ZMIZ1: variants seen among roughly 807,000 people sequenced by gnomAD.
The protein encoded by ZMIZ1 is zinc finger MIZ-type containing 1, also known as zinc finger MIZ domain-containing protein 1.
In ZMIZ1, 17 loss-of-function variants were observed where a neutral mutation model predicts 113.9. That is an observed-to-expected ratio of 0.15 (90% CI 0.10 to 0.22). ZMIZ1 has a LOEUF of 0.22. Ranked by LOEUF, ZMIZ1 falls within the 10% of genes least tolerant of loss-of-function variation. ZMIZ1 has a pLI of 1.00. For missense variants in ZMIZ1, 1,059 were observed against 1,477.8 expected (o/e 0.72, Z 4.65); for synonymous variants, 607 against 603.1 (o/e 1.01, Z -0.09).
At position 79,188,456 on chromosome 10, in the gene ZMIZ1, G is replaced by C. The variant is rs541627150; in HGVS notation, c.-49-13128G>C. Among the ~76,000 whole-genome samples the C allele has an allele frequency of 2.6e-5, 4 of 152,292 alleles. No homozygotes were observed. The South Asian group carries it at 8.3e-4, about 32-fold the overall frequency. On this transcript the variant is annotated intron_variant, in intron 4 of 24. Coordinates refer to ENST00000334512, the MANE Select transcript of ZMIZ1 (RefSeq NM_020338.4). ...CTTCAGGCAGGCTCGTGGCTGGTTG[G>C]GTATATCCAAGGTGGCCATGGCTTT...
At chr10:79,204,151 C>T (rs1208981173) in intron 5 of ZMIZ1, among the ~76,000 whole-genome samples, 1 of 152,198 alleles carries the variant, frequency 6.6e-6, no homozygotes, top group African/African-American at 2.4e-5. Flanking sequence ...CATGTGTGCA[C>T]GAGCTGAGAT....
Position 79,276,021 on chromosome 10 carries a change from G to A in ZMIZ1, c.281-1160G>A, listed in dbSNP as rs546707405. ...ATATGCCTGGCCACTCTTGCCCATC[G>A]ACTACTTCCATAACGCTCAGGTCAC... is the stretch of plus-strand genomic sequence containing the variant. On this transcript the variant is annotated intron_variant, in intron 7 of 24. Coordinates refer to ENST00000334512, the MANE Select transcript of ZMIZ1 (RefSeq NM_020338.4). 4.9e-4 allele frequency among the ~76,000 whole-genome samples: 74 copies of A among 152,278 alleles called. 1 individual carries two copies. Among genetic ancestry groups the A allele is most frequent in the African/African-American group, 1.7e-3 (70 of 41,542 alleles).
intron 17 of ZMIZ1, among the ~76,000 whole-genome samples, chr10:79,301,691 C>T (rs961531170): frequency 6.6e-6 from 1 of 152,174 alleles, no homozygotes; most frequent in Admixed American, 6.5e-5. Context: ...CTGTGTGAGG[C>T]TGCACAACTG....
chr10:79,218,878 C>T (rs939768000), intron 7 of ZMIZ1, among the ~76,000 whole-genome samples: 1 of 151,974 alleles, frequency 6.6e-6, no homozygotes, highest in African/African-American at 2.4e-5. Flanking sequence ...AGCCCAGAGG[C>T]AGGGGGTACA....
chr10:79,086,137 C>T (rs1842805069), intron 1 of ZMIZ1, among the ~76,000 whole-genome samples: 1 of 152,216 alleles, frequency 6.6e-6, no homozygotes, highest in Non-Finnish European at 1.5e-5. Flanking sequence ...CCTCAACTCA[C>T]AAAATTCTCA....
intron 7 of ZMIZ1, among the ~76,000 whole-genome samples, chr10:79,254,378 C>T (rs1850743559): frequency 6.6e-6 from 1 of 152,222 alleles, no homozygotes; most frequent in Non-Finnish European, 1.5e-5. Context: ...CCTTTGGGGA[C>T]ATCAGTGCAG....
intron 1 of ZMIZ1, among the ~76,000 whole-genome samples, chr10:79,113,435 CTGCCCGT>C: frequency 6.6e-6 from 1 of 152,170 alleles, no homozygotes; most frequent in Non-Finnish European, 1.5e-5. Context: ...CCCCAACCTC[CTGCCCGT>C]CCACACCTGG....
At chr10:79,255,161 C>T (rs1285244300) in intron 7 of ZMIZ1, among the ~76,000 whole-genome samples, 1 of 152,224 alleles carries the variant, frequency 6.6e-6, no homozygotes, top group Non-Finnish European at 1.5e-5. Flanking sequence ...CCTCATTCCC[C>T]ACAGCAGCCA....
Position 79,118,546 on chromosome 10 carries a change from A to G in ZMIZ1, c.-336-369A>G, listed in dbSNP as rs371946117. ...CAAAGGCCAGGGGCCCTTGAAAGAC[A>G]GAGAAGTGGGGAGAAGAGCTCTGAG... is the stretch of plus-strand genomic sequence containing the variant. On this transcript the variant is annotated intron_variant, in intron 1 of 24. Transcript: ENST00000334512. The surrounding 1 kb of genome is among the most constrained non-coding windows in gnomAD (Gnocchi z 4.1). Among the ~76,000 whole-genome samples, 9 of 152,298 alleles carry G rather than the reference A, an allele frequency of 5.9e-5. No homozygotes were observed. Among genetic ancestry groups the G allele is most frequent in the African/African-American group, 2.2e-4 (9 of 41,580 alleles).
intron 1 of ZMIZ1, among the ~76,000 whole-genome samples, chr10:79,105,115 G>A (rs145755112): frequency 2.0e-5 from 3 of 152,248 alleles, no homozygotes; most frequent in Non-Finnish European, 2.9e-5. Context: ...CTAGCTTCCC[G>A]AGCCCAATGT....
chr10:79,071,523 A>G (rs1281439259), intron 1 of ZMIZ1, among the ~76,000 whole-genome samples: 1 of 152,204 alleles, frequency 6.6e-6, no homozygotes, highest in Non-Finnish European at 1.5e-5. Context: ...CTGTTGAGCT[A>G]TCGGGGAAGT....
intron 4 of ZMIZ1, among the ~76,000 whole-genome samples, chr10:79,163,725 G>A (rs1230984870): frequency 6.6e-6 from 1 of 152,224 alleles, no homozygotes; most frequent in African/African-American, 2.4e-5. Flanking sequence ...GAGCTGCTTG[G>A]GGAAAGCCAC....
At position 79,262,949 on chromosome 10, in the gene ZMIZ1, C is replaced by T. The variant is rs146524233; in HGVS notation, c.281-14232C>T. Among the ~76,000 whole-genome samples the T allele has an allele frequency of 3.4e-3, 514 of 152,320 alleles. 3 individuals are homozygous for T. The highest frequency in any genetic ancestry group is 0.012 in the African/African-American group (497 of 41,562). On this transcript the variant is annotated intron_variant, in intron 7 of 24. Transcript: ENST00000334512. Reference sequence around the variant, plus strand: ...TGGGTTTCTCGGAAAAGGAATGGAACGACCGATTAGGAAGTCAAGACGTAG... The same window carrying T: ...TGGGTTTCTCGGAAAAGGAATGGAATGACCGATTAGGAAGTCAAGACGTAG...
chr10:79,093,524 A>G (rs11816601), intron 1 of ZMIZ1, among the ~76,000 whole-genome samples: 1 of 151,792 alleles, frequency 6.6e-6, no homozygotes, highest in Non-Finnish European at 1.5e-5. Flanking sequence ...ATGGGGTTTC[A>G]CCATGTTGGC....
intron 3 of ZMIZ1, among the ~76,000 whole-genome samples, chr10:79,156,072 C>T (rs1845893488): frequency 6.6e-6 from 1 of 152,140 alleles, no homozygotes; most frequent in South Asian, 2.1e-4. Flanking sequence ...CCCACCCCTC[C>T]CACCCCTACT....
intron 7 of ZMIZ1, among the ~76,000 whole-genome samples, chr10:79,249,468 C>G (rs924026056): frequency 6.6e-6 from 1 of 152,196 alleles, no homozygotes; most frequent in Non-Finnish European, 1.5e-5. Context: ...TTGAAAGGCT[C>G]GAGGTCTTGG....
intron 8 of ZMIZ1, 65 bp from the exon 9 acceptor site, chr10:79,289,710 G>C: frequency 6.8e-7 from 1 of 1,462,122 alleles, no homozygotes; most frequent in South Asian, 1.2e-5. Flanking sequence ...TGGGGTGATG[G>C]GCATGGCCTG....
At chr10:79,153,924 G>C (rs777295620) in intron 3 of ZMIZ1, among the ~76,000 whole-genome samples, 13 of 152,250 alleles carry the variant, frequency 8.5e-5, no homozygotes, top group South Asian at 2.1e-4. Flanking sequence ...AGGGATGCCT[G>C]TTTGGGAAGC....
intron 8 of ZMIZ1, among the ~76,000 whole-genome samples, chr10:79,282,005 C>T (rs561041524): frequency 7.2e-5 from 11 of 152,256 alleles, no homozygotes; most frequent in African/African-American, 1.2e-4. Context: ...TTTAATAGCC[C>T]GTGTTCCTTC....
Sources: gnomAD v4.1 joint callset for allele counts (sites outside exome capture counted in the v4.1 genomes callset) on GRCh38, gnomAD v4.1.1 for gene constraint, Gnocchi (gnomAD v3.1) non-coding constraint, MANE v1.5 for transcripts, NCBI Gene and HGNC (gene_info 2026-07-23, HGNC 2026-07-21) for gene names.